The following AVIL variants were observed in gnomAD, a reference collection of about 807,000 sequenced individuals.
AVIL encodes advillin.
AVIL carries 78 observed loss-of-function variants against 109.9 expected under a neutral mutation model. That is an observed-to-expected ratio of 0.71 (90% CI 0.59 to 0.86). The LOEUF (loss-of-function observed/expected upper bound fraction) is 0.86, where lower values mean the gene tolerates loss of function less well. AVIL is among the 40% of genes least tolerant of loss of function. The pLI, the probability that AVIL is intolerant of heterozygous loss-of-function variation, is 0.00. For synonymous variants in AVIL, 367 were observed against 379.1 expected, an observed-to-expected ratio of 0.97 and a Z score of 0.37; for missense variants, 892 against 1,016.5, an observed-to-expected ratio of 0.88 and a Z score of 1.67.
At chr12:57,804,918 C>T (rs546862196) in intron 14 of AVIL, among the ~76,000 whole-genome samples, 2 of 152,092 alleles carry the variant, frequency 1.3e-5, no homozygotes, top group East Asian at 3.9e-4. Flanking sequence ...TGCATCCTTG[C>T]TCATATTTTA....
intron 19 of AVIL, 81 bp from the exon 20 acceptor site, chr12:57,798,076 G>A (rs890262024): frequency 3.3e-5 from 32 of 963,422 alleles, no homozygotes; most frequent in Non-Finnish European, 4.8e-5. Context: ...TGGAGCAAGA[G>A]GGAGTTCTAG....
In AVIL at chr12:57,801,185, C is replaced by T. The variant is rs775289990; in HGVS notation, c.2179G>A (p.Glu727Lys). The part of the protein sequence containing the change: ...SAGKTYEQLK[E>K]ELGDAAAIMR... ...ATAGCAGCAGCATCTCCCAGCTCTT[C>T]TTTTAATTGTTCATATGTTTTTCCT... The change falls in exon 18 of 20, where the codon GAA (glutamate) becomes AAA (lysine). Residue 727 changes from glutamate (E) to lysine (K), a missense_variant. Glu to Lys is a moderately conservative substitution (Grantham distance 56). Transcript: ENST00000549994. 6.2e-6 allele frequency: 10 copies of T among 1,613,568 alleles called. No homozygotes were observed. Among genetic ancestry groups the T allele is most frequent in the Non-Finnish European group, 8.5e-6 (10 of 1,179,844 alleles).
chr12:57,814,474 C>T (rs561925720), intron 2 of AVIL: 47 of 483,248 alleles, frequency 9.7e-5, no homozygotes, highest in African/African-American at 8.5e-4. Flanking sequence ...TTGCCCTATT[C>T]TCCACTCTAC....
At position 57,809,904 on chromosome 12, in the gene AVIL, G is replaced by A; in HGVS notation, c.762-14C>T. On this transcript the variant is annotated splice_polypyrimidine_tract_variant and intron_variant, in intron 7 of 19. Transcript: ENST00000549994. The stretch of plus-strand genomic sequence containing the variant: ...GAATCTGAGATACTGGAGAAGGGGA[G>A]AGGTTAGCCTGTGCCTTTTCCTCTA... 1 of 1,613,650 alleles carries A rather than the reference G, an allele frequency of 6.2e-7. No individual in the cohort carries two copies. Among genetic ancestry groups the A allele is most frequent in the East Asian group, 2.2e-5 (1 of 44,884 alleles).
intron 7 of AVIL, 114 bp from the exon 8 acceptor site, chr12:57,810,004 C>A: frequency 9.5e-7 from 1 of 1,056,218 alleles, no homozygotes. Context: ...AGTGTGACTG[C>A]CTAAGACAGC....
chr12:57,809,917 G>GC (rs1203309656), intron 7 of AVIL, 27 bp from the exon 8 acceptor site: 29 of 1,609,774 alleles, frequency 1.8e-5, no homozygotes, highest in Non-Finnish European at 2.3e-5. Flanking sequence ...GTTAGCCTGT[G>GC]CCTTTTCCTC....
chr12:57,812,888 G>C (rs1468839585), intron 4 of AVIL, among the ~76,000 whole-genome samples: 1 of 152,164 alleles, frequency 6.6e-6, no homozygotes, highest in African/African-American at 2.4e-5. Context: ...AGGCTGCTAT[G>C]AACAGTCTGG....
chr12:57,798,826 A>G (rs1232463632), intron 19 of AVIL, among the ~76,000 whole-genome samples: 1 of 152,054 alleles, frequency 6.6e-6, no homozygotes, highest in Non-Finnish European at 1.5e-5. Context: ...CATATTGGCC[A>G]GGCCAGTCTC....
intron 2 of AVIL, among the ~76,000 whole-genome samples, chr12:57,815,230 G>A (rs1159231529): frequency 1.3e-5 from 2 of 152,368 alleles, no homozygotes; most frequent in East Asian, 3.9e-4. Context: ...GGGATTACAG[G>A]CGTGAGCCAC....
chr12:57,812,599 A>T (rs1432880345), intron 4 of AVIL, among the ~76,000 whole-genome samples: 1 of 151,990 alleles, frequency 6.6e-6, no homozygotes, highest in Non-Finnish European at 1.5e-5. Context: ...TGACCTCGTG[A>T]TCCGCCTGCC....
At chr12:57,810,182 T>G (rs1956016667) in intron 7 of AVIL, among the ~76,000 whole-genome samples, 167 bp downstream of exon 7, 1 of 152,150 alleles carries the variant, frequency 6.6e-6, no homozygotes, top group East Asian at 1.9e-4. Context: ...AACTGCCTCC[T>G]TGAGTGGGGG....
Position 57,797,563 on chromosome 12 carries a change from G to A in AVIL, c.*319C>T. On this transcript the variant is annotated 3_prime_UTR_variant, in exon 20 of 20. Coordinates refer to ENST00000549994, the MANE Select transcript of AVIL (RefSeq NM_006576.4). ...GTCCTGGTATAATATTAAACATAAA[G>A]TTATTAAACATTTTAAGCATTGTTT... 2.2e-6 allele frequency: 2 copies of A among 913,958 alleles called. No individual in the cohort carries two copies. The highest frequency in any genetic ancestry group is 2.6e-6 in the Non-Finnish European group (2 of 762,940). 56.6% of individuals were successfully genotyped at this position (913,958 alleles called of 1,614,324 possible).
rs776522628 is a variant in AVIL, at chr12:57,802,287, G to A, written c.2024C>T (p.Ala675Val). The A allele has an allele frequency of 1.2e-6, 2 of 1,614,120 alleles. No homozygotes were observed. The highest frequency in any genetic ancestry group is 2.2e-5 in the South Asian group (2 of 91,054). The change falls in exon 17 of 20, where the codon GCA becomes GTA. Residue 675 changes from alanine (A) to valine (V), a missense_variant. Physicochemically the swap from Ala to Val is moderately conservative, Grantham distance 64. Coordinates refer to ENST00000549994, the MANE Select transcript of AVIL (RefSeq NM_006576.4). ...ATEKESALAT[A>V]QQYLHTHPSG... ...GGGGTGAGTGTGCAGGTACTGCTGTGCTGTGGCAAGGGCACTCTCCTTCTC... is the reference window on the plus strand; with the variant it reads ...GGGGTGAGTGTGCAGGTACTGCTGTACTGTGGCAAGGGCACTCTCCTTCTC...
chr12:57,807,265 T>G, intron 13 of AVIL, 66 bp downstream of exon 13: 1 of 1,608,242 alleles, frequency 6.2e-7, no homozygotes. Context: ...TCTCCAATAG[T>G]CCTGTGCTGG....
At chr12:57,800,052 T>C in intron 18 of AVIL, 132 bp from the exon 19 acceptor site, 1 of 1,219,178 alleles carries the variant, frequency 8.2e-7, no homozygotes, top group Non-Finnish European at 1.1e-6. Context: ...TTGATAACAA[T>C]GCTCCCCAAA....
intron 3 of AVIL, among the ~76,000 whole-genome samples, chr12:57,813,667 T>G (rs1227577948): frequency 6.6e-6 from 1 of 152,228 alleles, no homozygotes; most frequent in Admixed American, 6.5e-5. Context: ...CCCAAATAAA[T>G]AGATACCAAC....
rs1232795511 is a variant in AVIL, at chr12:57,815,711, T to C, written c.66+264A>G. 5 of 1,389,186 alleles carry C rather than the reference T, an allele frequency of 3.6e-6. No homozygotes were observed. In the South Asian group the frequency reaches 6.9e-5, roughly 19 times the overall value. The allele number at this position is 1,389,186 out of a possible 1,614,324, so 86.1% of individuals were successfully genotyped here. ...GTGTTTCCTGCAAGTGCAGACTCAC[T>C]GAGCAGGTGGCTGGCTAAAGGACAA... On this transcript the variant is annotated intron_variant, in intron 2 of 19. Transcript: ENST00000549994.
Position 57,802,018 on chromosome 12 carries a change from T to C in AVIL, c.2151+142A>G, listed in dbSNP as rs2307097. 0.35 allele frequency: 338,710 copies of C among 956,428 alleles called. 65,300 individuals are homozygous for C. The highest frequency in any genetic ancestry group is 0.48 in the Middle Eastern group (1,416 of 2,972). 59.2% of individuals were successfully genotyped at this position (956,428 alleles called of 1,614,324 possible). On this transcript the variant is annotated intron_variant, in intron 17 of 19. Transcript: ENST00000549994. ...TGGCAGGTGAAAAAGAGGAGAAAAG[T>C]AAAAGGCAGGGAGTGGGATGGGAGT...
chr12:57,813,315 C>T lies in AVIL; in HGVS notation c.250G>A (p.Asp84Asn), dbSNP rs535644422. 2.1e-4 allele frequency: 340 copies of T among 1,614,106 alleles called. 1 individual carries two copies. The South Asian group carries it at 3.1e-3, about 15-fold the overall frequency. Residue 84 changes from aspartate to asparagine, a missense_variant, in exon 4 of 20, where the codon GAC (aspartate) becomes AAC (asparagine). By Grantham distance (23) the Asp-to-Asn change is conservative. Transcript: ENST00000549994. Reference sequence around the variant, plus strand: ...TGCACAGGGCTGCCTCCCAGGTAGTCGTCCAGCTGTGTGGTATATATGGCT... The same window carrying T: ...TGCACAGGGCTGCCTCCCAGGTAGTTGTCCAGCTGTGTGGTATATATGGCT... ...CAAIYTTQLD[D>N]YLGGSPVQHR...
Sources: gnomAD v4.1 joint callset for allele counts (sites outside exome capture counted in the v4.1 genomes callset) on GRCh38, gnomAD v4.1.1 for gene constraint, MANE v1.5 for transcripts, NCBI Gene and HGNC (gene_info 2026-07-23, HGNC 2026-07-21) for gene names.